The following SGSM2 variants were observed in gnomAD, a reference collection of about 807,000 sequenced individuals.
SGSM2 encodes the protein small G protein signaling modulator 2.
SGSM2 carries 89 observed loss-of-function variants against 126.6 expected under a neutral mutation model. The ratio of observed to expected loss-of-function variants is 0.70; its 90% CI spans 0.59 to 0.84. The LOEUF is 0.84. Ranked by LOEUF, SGSM2 falls within the 40% of genes least tolerant of loss-of-function variation. The pLI, the probability that SGSM2 is intolerant of heterozygous loss-of-function variation, is 0.00. For synonymous variants in SGSM2, 614 were observed against 574.3 expected (o/e 1.07, Z -0.99); for missense variants, 1,404 against 1,416.6 (o/e 0.99, Z 0.14).
intron 13 of SGSM2, 155 bp downstream of exon 13, chr17:2,371,570 T>TA: frequency 1.1e-6 from 1 of 870,918 alleles, no homozygotes. Context: ...CCACGTGACT[T>TA]ACAAGTTATG....
At position 2,363,081 on chromosome 17, in the gene SGSM2, A is replaced by G. The variant is rs780550678; in HGVS notation, c.619A>G (p.Ile207Val). 1.9e-6 allele frequency: 3 copies of G among 1,613,448 alleles called. No individual in the cohort carries two copies. The African/African-American group carries it at 4.0e-5, about 22-fold the overall frequency. ...SADELVQRHR[I>V]RGPPTRQDSP... ...TGATGAGCTGGTCCAGCGGCACCGC[A>G]TCCGGGGTCCACCTACTCGCCAGGA... The change falls in exon 6 of 24, where the codon ATC becomes GTC. Residue 207 changes from isoleucine (I) to valine (V), a missense_variant. Physicochemically the swap from Ile to Val is conservative, Grantham distance 29 (BLOSUM62 3). Coordinates refer to ENST00000268989, the MANE Select transcript of SGSM2 (RefSeq NM_014853.3). The surrounding 1 kb of genome is among the most constrained non-coding windows in gnomAD (Gnocchi z 4.2).
At position 2,372,233 on chromosome 17, in the gene SGSM2, G is replaced by A. The variant is rs202161088; in HGVS notation, c.1621G>A (p.Val541Met). The part of the protein sequence containing the change: ...LLCESMKRQI[V>M]SRAFYGWLAH... ...GTGTGAGAGTATGAAGAGGCAGATC[G>A]TGTCCCGGGCCTTCTACGGCTGTGA... The change falls in exon 14 of 24, where the codon GTG (valine) becomes ATG (methionine). Residue 541 changes from valine to methionine, a missense_variant. Transcript: ENST00000268989. The surrounding 1 kb of genome is among the most constrained non-coding windows in gnomAD (Gnocchi z 6.0). The A allele has an allele frequency of 1.1e-4, 175 of 1,613,156 alleles. No homozygotes were observed. Among genetic ancestry groups the A allele is most frequent in the Middle Eastern group, 1.7e-4 (1 of 6,060 alleles).
chr17:2,340,770 G>C (rs951410907), intron 1 of SGSM2, among the ~76,000 whole-genome samples: 4 of 151,876 alleles, frequency 2.6e-5, no homozygotes, highest in Non-Finnish European at 5.9e-5. Context: ...ATTTTTAGTA[G>C]AGACGGGGTT....
intron 1 of SGSM2, among the ~76,000 whole-genome samples, chr17:2,342,098 G>T (rs534117672): frequency 3.7e-4 from 57 of 152,242 alleles, no homozygotes; most frequent in African/African-American, 1.3e-3. Flanking sequence ...ACTACACGCT[G>T]AGTGATTCCA....
intron 22 of SGSM2, 91 bp from the exon 23 acceptor site, chr17:2,378,945 C>T (rs1022012566): frequency 2.2e-5 from 32 of 1,426,360 alleles, no homozygotes; most frequent in East Asian, 2.0e-4. Flanking sequence ...AGCCTCAGCC[C>T]CAGCCTCAAT....
In SGSM2 at chr17:2,337,694, C is replaced by T; in HGVS notation, c.6C>T (p.Gly2=). Residue 2 remains glycine, a synonymous_variant, in exon 1 of 24, where the codon GGC becomes GGT. Coordinates refer to ENST00000268989, the MANE Select transcript of SGSM2 (RefSeq NM_014853.3). The surrounding 1 kb of genome is among the most constrained non-coding windows in gnomAD (Gnocchi z 5.1). M[G]SAEDAVKEKL... is the part of the protein sequence containing the mutation. The stretch of plus-strand genomic sequence containing the variant: ...GCGCCGCCTCCTGCCACACCATGGG[C>T]AGCGCAGAGGACGCAGTCAAAGAGA... 1.3e-6 allele frequency: 2 copies of T among 1,522,708 alleles called. No individual in the cohort carries two copies. Among genetic ancestry groups the T allele is most frequent in the Non-Finnish European group, 1.8e-6 (2 of 1,130,742 alleles). 94.3% of individuals were successfully genotyped at this position (1,522,708 alleles called of 1,614,324 possible).
At position 2,374,840 on chromosome 17, in the gene SGSM2, C is replaced by G. The variant is rs1280259655; in HGVS notation, c.2101-652C>G. Among the ~76,000 whole-genome samples the G allele has an allele frequency of 2.0e-5, 3 of 152,208 alleles. No individual in the cohort carries two copies. The East Asian group carries it at 5.8e-4, about 29-fold the overall frequency. Reference sequence around the variant, plus strand: ...AAAGTAGAAACTACTTTTAGCATTGCTTTCCCTACGTGGTGAAAACAGAGA... The same window carrying G: ...AAAGTAGAAACTACTTTTAGCATTGGTTTCCCTACGTGGTGAAAACAGAGA... On this transcript the variant is annotated intron_variant, in intron 17 of 23. Transcript: ENST00000268989.
intron 20 of SGSM2, 53 bp downstream of exon 20, chr17:2,376,868 G>T (rs1035009588): frequency 4.2e-5 from 68 of 1,611,276 alleles, no homozygotes; most frequent in Admixed American, 6.7e-5. Context: ...GAAAGGACGA[G>T]AGGGTGGCCA....
intron 19 of SGSM2, 30 bp downstream of exon 19, chr17:2,376,291 A>C: frequency 6.3e-7 from 1 of 1,597,560 alleles, no homozygotes; most frequent in Non-Finnish European, 8.5e-7. Context: ...TCAGGGTGGG[A>C]GGCGGGACCC....
chr17:2,363,514 C>T lies in SGSM2; in HGVS notation c.722C>T (p.Ala241Val). Reference protein sequence around the residue: ...SGSASEDRLAACARECVESLH... With the variant: ...SGSASEDRLAVCARECVESLH... ...AGCGCGTCGGAGGACAGGCTGGCTG[C>T]CTGTGCCCGCGAGTGTGTGGAGTCC... Residue 241 changes from alanine to valine, a missense_variant, in exon 7 of 24, where the codon GCC becomes GTC. Ala to Val is a moderately conservative substitution (Grantham distance 64). Coordinates refer to ENST00000268989, the MANE Select transcript of SGSM2 (RefSeq NM_014853.3). This position sits in a 1 kb window ranked among gnomAD's most constrained non-coding sequence, Gnocchi z 4.2. The T allele has an allele frequency of 6.2e-7, 1 of 1,613,360 alleles. No homozygotes were observed. Among genetic ancestry groups the T allele is most frequent in the Non-Finnish European group, 8.5e-7 (1 of 1,179,984 alleles).
At chr17:2,355,038 T>C (rs74319065) in intron 2 of SGSM2, among the ~76,000 whole-genome samples, 10 of 68,410 alleles carry the variant, frequency 1.5e-4, no homozygotes, top group Middle Eastern at 7.8e-3. Flanking sequence ...GTGTAAGGGT[T>C]GGGGAAGGGA....
At position 2,372,895 on chromosome 17, in the gene SGSM2, C is replaced by T. The variant is rs893096133; in HGVS notation, c.1789-58C>T. The T allele has an allele frequency of 3.9e-6, 6 of 1,537,866 alleles. No individual in the cohort carries two copies. Among genetic ancestry groups the T allele is most frequent in the Non-Finnish European group, 5.3e-6 (6 of 1,139,382 alleles). Reference sequence around the variant, plus strand: ...CCATTCTCCGTGGGATGGGGCTCACCCAGCTGGGCCACGGTGACTGTGGAG... The same window carrying T: ...CCATTCTCCGTGGGATGGGGCTCACTCAGCTGGGCCACGGTGACTGTGGAG... On this transcript the variant is annotated intron_variant, in intron 15 of 23. Transcript: ENST00000268989. The surrounding 1 kb of genome is among the most constrained non-coding windows in gnomAD (Gnocchi z 6.0).
intron 2 of SGSM2, among the ~76,000 whole-genome samples, chr17:2,351,904 G>A (rs1387835204): frequency 6.6e-6 from 1 of 152,084 alleles, no homozygotes; most frequent in African/African-American, 2.4e-5. Flanking sequence ...TTCCAAAGTT[G>A]AAGCAAACAA....
chr17:2,346,716 C>T (rs915480609), intron 2 of SGSM2, among the ~76,000 whole-genome samples: 1 of 152,106 alleles, frequency 6.6e-6, no homozygotes, highest in African/African-American at 2.4e-5. Context: ...GTGTGCTGTT[C>T]CCAGGCCCGA....
Position 2,365,241 on chromosome 17 carries a change from A to G in SGSM2, c.1188A>G (p.Lys396=). ...GKGKVFPKLR[K]RSSIRSVDME... ...GGAAAGTGTTCCCCAAGCTACGGAA[A>G]CGAAGCAGCATTCGCTCCGTGGATA... The change falls in exon 11 of 24, where the codon AAA becomes AAG. Residue 396 remains lysine (K), a synonymous_variant. Transcript: ENST00000268989. 1 of 1,612,908 alleles carries G rather than the reference A, an allele frequency of 6.2e-7. No individual in the cohort carries two copies. The highest frequency in any genetic ancestry group is 1.3e-5 in the African/African-American group (1 of 75,028).
chr17:2,362,342 T>C lies in SGSM2; in HGVS notation c.458+72T>C. On this transcript the variant is annotated intron_variant, in intron 4 of 23. Transcript: ENST00000268989. The surrounding 1 kb of genome is among the most constrained non-coding windows in gnomAD (Gnocchi z 4.9). ...CCCAAAACTGCAGGTGACCGCCCCG[T>C]TCCCCAAAAACTGCAGGTGACCGCC... 1 of 1,472,042 alleles carries C rather than the reference T, an allele frequency of 6.8e-7. No homozygotes were observed. Among genetic ancestry groups the C allele is most frequent in the South Asian group, 1.3e-5 (1 of 77,292 alleles). The allele number at this position is 1,472,042 out of a possible 1,614,324, so 91.2% of individuals were successfully genotyped here. A position where few individuals can be genotyped will look rare whatever the true frequency, so the allele number is the denominator to read the frequency against.
intron 2 of SGSM2, among the ~76,000 whole-genome samples, chr17:2,357,372 G>A (rs2151538659): frequency 6.6e-6 from 1 of 152,262 alleles, no homozygotes; most frequent in Middle Eastern, 3.4e-3. Context: ...GGTGACAAAT[G>A]CCCATCATTC....
At chr17:2,378,014 C>A in intron 22 of SGSM2, 61 bp downstream of exon 22, 4 of 1,086,108 alleles carry the variant, frequency 3.7e-6, no homozygotes, top group African/African-American at 1.5e-5. Flanking sequence ...CCTCTTCCCC[C>A]AAGCCAACAG....
chr17:2,338,489 GAGAGCTCCAACCCACAGCGC>G (rs1237901835), intron 1 of SGSM2, among the ~76,000 whole-genome samples: 1 of 152,070 alleles, frequency 6.6e-6, no homozygotes, highest in Admixed American at 6.5e-5. Context: ...ATGAGAGCTG[GAGAGCTCCAACCCACAGCGC>G]AGCTTAGAAT....
Sources: gnomAD v4.1 joint callset for allele counts (sites outside exome capture counted in the v4.1 genomes callset) on GRCh38, gnomAD v4.1.1 for gene constraint, Gnocchi (gnomAD v3.1) non-coding constraint, MANE v1.5 for transcripts, NCBI Gene and HGNC (gene_info 2026-07-23, HGNC 2026-07-21) for gene names.